CORO7: variants seen among roughly 807,000 people sequenced by gnomAD.
CORO7 encodes the protein coronin 7.
Under a neutral mutation model 126.6 loss-of-function variants are expected in CORO7, and 107 were observed. The observed-to-expected ratio is 0.85, with a 90% confidence interval of 0.72 to 0.99. The LOEUF (loss-of-function observed/expected upper bound fraction) is 0.99. Among genes scored for constraint, CORO7 ranks in the 50% least tolerant of loss-of-function variants. The pLI, the probability that CORO7 is intolerant of heterozygous loss-of-function variation, is 0.00. For missense variants in CORO7, 1,314 were observed against 1,255.8 expected, an observed-to-expected ratio of 1.05 and a Z score of -0.70; for synonymous variants, 603 against 536.8, an observed-to-expected ratio of 1.12 and a Z score of -1.70.
Position 4,382,234 on chromosome 16 carries a change from C to G in CORO7, c.785+5752G>C, listed in dbSNP as rs568102911. On this transcript the variant is annotated intron_variant, in intron 9 of 27. Coordinates refer to ENST00000251166, the MANE Select transcript of CORO7 (RefSeq NM_024535.5). ...GATGGGGCAGGGGACACGGCCCAGCCCTACACCAGTCACGCCGAGGCCACC... is the reference window on the plus strand; with the variant it reads ...GATGGGGCAGGGGACACGGCCCAGCGCTACACCAGTCACGCCGAGGCCACC... 123 of 1,607,036 alleles carry G rather than the reference C, an allele frequency of 7.7e-5. No individual in the cohort carries two copies. In the East Asian group the frequency reaches 2.5e-3, roughly 33 times the overall value.
chr16:4,386,593 G>A (rs1047527371), intron 9 of CORO7, among the ~76,000 whole-genome samples: 7 of 152,208 alleles, frequency 4.6e-5, no homozygotes, highest in African/African-American at 1.7e-4. Flanking sequence ...TCAAGGCGGG[G>A]CGGGTCCCAC....
intron 9 of CORO7, chr16:4,387,695 CCT>C: frequency 1.9e-6 from 1 of 517,988 alleles, no homozygotes; most frequent in Non-Finnish European, 3.5e-6. Flanking sequence ...ACACCCTCTC[CCT>C]GAATGCCAAG....
At chr16:4,388,452 A>G (rs1375827479) in intron 8 of CORO7, 93 bp downstream of exon 8, 2 of 1,402,960 alleles carry the variant, frequency 1.4e-6, no homozygotes, top group African/African-American at 1.4e-5. Flanking sequence ...ACTGGCCCTC[A>G]GTCCCCCGCC....
intron 4 of CORO7, 120 bp downstream of exon 4, chr16:4,408,061 G>A: frequency 1.4e-6 from 2 of 1,449,094 alleles, no homozygotes; most frequent in Admixed American, 1.8e-5. Context: ...CGCAGCCCTG[G>A]GGAGTGGGGT....
intron 7 of CORO7, among the ~76,000 whole-genome samples, chr16:4,390,123 G>A (rs2055335836): frequency 6.6e-6 from 1 of 152,204 alleles, no homozygotes; most frequent in South Asian, 2.1e-4. Flanking sequence ...AGAGAAATCA[G>A]TGTGTCATTC....
At chr16:4,414,520 G>C (rs555104401) in intron 1 of CORO7, 12 of 152,284 alleles carry the variant, frequency 7.9e-5, no homozygotes, top group African/African-American at 2.6e-4. Context: ...ACCACCTGAA[G>C]TTTCTATATC....
At chr16:4,397,036 A>G (rs2141288150) in intron 6 of CORO7, among the ~76,000 whole-genome samples, 1 of 150,856 alleles carries the variant, frequency 6.6e-6, no homozygotes, top group South Asian at 2.1e-4. Flanking sequence ...AAAAAGAAAG[A>G]AAGAAAGAAA....
intron 9 of CORO7, among the ~76,000 whole-genome samples, chr16:4,369,396 G>A (rs1208630688): frequency 5.9e-5 from 9 of 152,336 alleles, no homozygotes; most frequent in African/African-American, 1.9e-4. Flanking sequence ...GTGGTAAGAG[G>A]TATTGCCGGC....
intron 7 of CORO7, among the ~76,000 whole-genome samples, chr16:4,393,117 C>G (rs1435634908): frequency 6.6e-6 from 1 of 152,214 alleles, no homozygotes; most frequent in African/African-American, 2.4e-5. Context: ...GGAAGAATCA[C>G]GTGGGCCCAG....
At chr16:4,378,485 G>A (rs1024447694) in intron 9 of CORO7, among the ~76,000 whole-genome samples, 3 of 152,122 alleles carry the variant, frequency 2.0e-5, no homozygotes, top group Non-Finnish European at 2.9e-5. Context: ...TGGGGTGGGT[G>A]GGGGTCACTC....
chr16:4,407,711 A>T (rs376568664), intron 4 of CORO7, 27 bp from the exon 5 acceptor site: 1 of 1,553,200 alleles, frequency 6.4e-7, no homozygotes, highest in East Asian at 2.3e-5. Context: ...GTCCGTGAGC[A>T]CAGGGCTGAG....
chr16:4,360,175 G>C, intron 21 of CORO7, 103 bp downstream of exon 21: 1 of 1,455,848 alleles, frequency 6.9e-7, no homozygotes, highest in Non-Finnish European at 9.5e-7. Context: ...ATCCAGTGAG[G>C]GGCAGGAATG....
At chr16:4,382,582 G>A in intron 9 of CORO7, 1 of 1,587,658 alleles carries the variant, frequency 6.3e-7, no homozygotes, top group Non-Finnish European at 8.6e-7. Context: ...AGTCACCCAG[G>A]CCCGCGAGGG....
Position 4,359,489 on chromosome 16 carries a change from C to T in CORO7, c.2241G>A (p.Leu747=). 2 of 1,613,532 alleles carry T rather than the reference C, an allele frequency of 1.2e-6. No individual in the cohort carries two copies. Among genetic ancestry groups the T allele is most frequent in the Non-Finnish European group, 1.7e-6 (2 of 1,179,982 alleles). ...CTCCAGCCCAGCCCACCTTGCCGGTCAGGAGCACCAGGCCAGTGTCTGGGT... is the reference window on the plus strand; with the variant it reads ...CTCCAGCCCAGCCCACCTTGCCGGTTAGGAGCACCAGGCCAGTGTCTGGGT... ...SYDPDTGLVL[L]TGKGDTRVFL... Residue 747 remains leucine, a synonymous_variant, in exon 22 of 28, where the codon CTG becomes CTA. Coordinates refer to ENST00000251166, the MANE Select transcript of CORO7 (RefSeq NM_024535.5).
chr16:4,385,080 C>T (rs1365560928), intron 9 of CORO7, among the ~76,000 whole-genome samples: 4 of 152,102 alleles, frequency 2.6e-5, no homozygotes, highest in East Asian at 3.9e-4. Context: ...AGCCAGGGGG[C>T]GACCAAGCTG....
chr16:4,408,087 G>A, intron 4 of CORO7, 94 bp downstream of exon 4: 1 of 1,573,510 alleles, frequency 6.4e-7, no homozygotes, highest in Non-Finnish European at 8.7e-7. Flanking sequence ...TGGACTGGGA[G>A]GCAGCAGAGC....
In CORO7 at chr16:4,359,361, C is replaced by A. The variant is rs375902989; in HGVS notation, c.2275G>T (p.Glu759Ter). ...AAGAAAGGGGACTCGGGGAGCAGCTCGTACAGGAATACACGGGTGTCGCCC... is the reference window on the plus strand; with the variant it reads ...AAGAAAGGGGACTCGGGGAGCAGCTAGTACAGGAATACACGGGTGTCGCCC... ...GKGDTRVFLY[E>*]LLPESPFFLE... Residue 759 changes from glutamate to a stop codon, truncating the protein, a stop_gained, in exon 23 of 28, where the codon GAG becomes TAG. Coordinates refer to ENST00000251166, the MANE Select transcript of CORO7 (RefSeq NM_024535.5). LOFTEE classifies it high-confidence loss of function. 1.2e-6 allele frequency: 2 copies of A among 1,613,452 alleles called. No homozygotes were observed. Among genetic ancestry groups the A allele is most frequent in the African/African-American group, 2.7e-5 (2 of 75,044 alleles).
chr16:4,363,304 C>G (rs1310664457), intron 14 of CORO7: 1 of 152,048 alleles, frequency 6.6e-6, no homozygotes, highest in African/African-American at 2.4e-5. Context: ...CGGTGGCTCA[C>G]GCCTGTAATC....
intron 1 of CORO7, among the ~76,000 whole-genome samples, chr16:4,415,270 C>T (rs2056365196): frequency 6.6e-6 from 1 of 152,190 alleles, no homozygotes; most frequent in Admixed American, 6.6e-5. Flanking sequence ...ACTGCTCCGG[C>T]CATCCCCTCC....
Sources: gnomAD v4.1 joint callset for allele counts (sites outside exome capture counted in the v4.1 genomes callset) on GRCh38, gnomAD v4.1.1 for gene constraint, MANE v1.5 for transcripts, NCBI Gene and HGNC (gene_info 2026-07-23, HGNC 2026-07-21) for gene names.